The following USP6NL variants were observed in gnomAD, a reference collection of about 807,000 sequenced individuals.
The protein encoded by USP6NL is USP6 N-terminal-like protein.
Under a neutral mutation model 61.9 loss-of-function variants are expected in USP6NL, and 26 were observed. That is an observed-to-expected ratio of 0.42 (90% CI 0.31 to 0.58). The LOEUF (loss-of-function observed/expected upper bound fraction) is 0.58. Ranked by LOEUF, USP6NL falls within the 20% of genes least tolerant of loss-of-function variation. The pLI is 0.16. For missense variants in USP6NL, 1,114 were observed against 1,034.3 expected (o/e 1.08, Z -1.06); for synonymous variants, 432 against 390.1 (o/e 1.11, Z -1.27).
At chr10:11,488,508 A>G (rs764490998) in intron 10 of USP6NL, among the ~76,000 whole-genome samples, 75 of 152,252 alleles carry the variant, frequency 4.9e-4, no homozygotes, top group Non-Finnish European at 9.0e-4. Context: ...AAAACCAAAA[A>G]ATCAGCAGGT....
intron 3 of USP6NL, among the ~76,000 whole-genome samples, chr10:11,526,128 TAAC>T (rs1161567326): frequency 6.6e-6 from 1 of 152,194 alleles, no homozygotes; most frequent in Admixed American, 6.5e-5. Context: ...TTTTCATGGG[TAAC>T]TCGTCATTGA....
chr10:11,607,165 G>A (rs5026825), intron 1 of USP6NL, among the ~76,000 whole-genome samples: 17,225 of 152,052 alleles, frequency 0.11, 1,289 homozygotes, highest in East Asian at 0.16. Flanking sequence ...GGGCACCAGG[G>A]AAATACACAA....
rs1426334347 is a variant in USP6NL at position 11,461,987 on chromosome 10, T to C, written c.*454A>G. ...AAGTAGTTTTTTAAAAAACGTTTCTTTAGCTCTGTGTTCAAATGTGGATGA... is the reference window on the plus strand; with the variant it reads ...AAGTAGTTTTTTAAAAAACGTTTCTCTAGCTCTGTGTTCAAATGTGGATGA... On this transcript the variant is annotated 3_prime_UTR_variant, in exon 15 of 15. Transcript: ENST00000609104. The C allele has an allele frequency of 1.3e-5, 2 of 154,456 alleles. No homozygotes were observed. The highest frequency in any genetic ancestry group is 4.8e-5 in the African/African-American group (2 of 41,498). The allele number at this position is 154,456 out of a possible 1,614,324, so 9.6% of individuals were successfully genotyped here. A position where few individuals can be genotyped will look rare whatever the true frequency, so the allele number is the denominator to read the frequency against.
In USP6NL at chr10:11,525,950, C is replaced by G. The variant is rs1189994104; in HGVS notation, c.73-482G>C. ...CTATGCCAGCCTGAAACTACTCTTG[C>G]CAAAGTCAAAAATGACCTTCCAGCA... On this transcript the variant is annotated intron_variant, in intron 3 of 14. Transcript: ENST00000609104. This position sits in a 1 kb window ranked among gnomAD's most constrained non-coding sequence, Gnocchi z 5.0. Among the ~76,000 whole-genome samples the G allele has an allele frequency of 6.6e-6, 1 of 152,188 alleles. No homozygotes were observed. Among genetic ancestry groups the G allele is most frequent in the Non-Finnish European group, 1.5e-5 (1 of 68,028 alleles).
chr10:11,543,052 T>G (rs1308794651), intron 2 of USP6NL, among the ~76,000 whole-genome samples: 1 of 152,140 alleles, frequency 6.6e-6, no homozygotes, highest in African/African-American at 2.4e-5. Flanking sequence ...AGTAAAAATT[T>G]AATTAATATT....
chr10:11,509,653 CT>C lies in USP6NL; in HGVS notation c.217del (p.Arg73GlufsTer6). 1 of 1,566,878 alleles carries C rather than the reference CT, an allele frequency of 6.4e-7. No homozygotes were observed. The highest frequency in any genetic ancestry group is 8.7e-7 in the Non-Finnish European group (1 of 1,154,456). ...CAGCATTTTCAGCCATTTGGTAGTTCTTTCAATTTCCAGGTGCTTTTGCTAA... is the reference window on the plus strand; with the variant it reads ...CAGCATTTTCAGCCATTTGGTAGTTCTTCAATTTCCAGGTGCTTTTGCTAA... ...VERQKHLEIERTTKWLKMLKG... is the reference protein window; with the variant it reads ...VERQKHLEIEXTTKWLKMLKG... On this transcript the variant is annotated frameshift_variant, in exon 6 of 15. Transcript: ENST00000609104. LOFTEE classifies it high-confidence loss of function.
intron 7 of USP6NL, among the ~76,000 whole-genome samples, chr10:11,500,496 A>G (rs370989714): frequency 6.6e-6 from 1 of 152,194 alleles, no homozygotes; most frequent in Non-Finnish European, 1.5e-5. Context: ...TAGAAAATTT[A>G]GGTTCAGAAA....
At chr10:11,568,547 T>C (rs1396878865) in intron 2 of USP6NL, among the ~76,000 whole-genome samples, 1 of 152,198 alleles carries the variant, frequency 6.6e-6, no homozygotes, top group Non-Finnish European at 1.5e-5. Context: ...GTAACAGTGT[T>C]TTAGTTTTAT....
Position 11,574,450 on chromosome 10 carries a change from T to C in USP6NL, c.4+23181A>G, listed in dbSNP as rs1837470996. Among the ~76,000 whole-genome samples the C allele has an allele frequency of 6.6e-6, 1 of 152,230 alleles. No individual in the cohort carries two copies. The highest frequency in any genetic ancestry group is 2.1e-4 in the South Asian group (1 of 4,830). On this transcript the variant is annotated intron_variant, in intron 2 of 14. Transcript: ENST00000609104. This position sits in a 1 kb window ranked among gnomAD's most constrained non-coding sequence, Gnocchi z 4.3. ...ATAATTTCAAAACAAGTATAACCAC[T>C]GCTCCTTCCATATGATGTTTAACAG...
Position 11,462,242 on chromosome 10 carries a change from G to A in USP6NL, c.*199C>T, listed in dbSNP as rs942725389. On this transcript the variant is annotated 3_prime_UTR_variant, in exon 15 of 15. Transcript: ENST00000609104. Reference sequence around the variant, plus strand: ...TTCCGGGTTAAATTCTAACAGGTCAGTGATGATGCAATTGAAACGCTCATC... The same window carrying A: ...TTCCGGGTTAAATTCTAACAGGTCAATGATGATGCAATTGAAACGCTCATC... The A allele has an allele frequency of 3.2e-6, 2 of 633,588 alleles. No homozygotes were observed. The highest frequency in any genetic ancestry group is 5.7e-5 in the East Asian group (2 of 35,388). The allele number at this position is 633,588 out of a possible 1,614,324, so 39.2% of individuals were successfully genotyped here. A position where few individuals can be genotyped will look rare whatever the true frequency, so the allele number is the denominator to read the frequency against.
At chr10:11,580,739 G>T (rs1469424778) in intron 2 of USP6NL, among the ~76,000 whole-genome samples, 1 of 152,134 alleles carries the variant, frequency 6.6e-6, no homozygotes, top group Admixed American at 6.5e-5. Flanking sequence ...CACCATTCTA[G>T]AAGAATGACA....
intron 2 of USP6NL, among the ~76,000 whole-genome samples, chr10:11,579,966 G>T (rs527266022): frequency 2.0e-5 from 3 of 148,350 alleles, no homozygotes; most frequent in African/African-American, 4.9e-5. Context: ...AGAGTGGCGG[G>T]GGGGGGGCAG....
chr10:11,597,835 C>G lies in USP6NL; in HGVS notation c.-83-118G>C. ...TATTCTACTATTTCCAAAAAGAACT[C>G]TTGTGATCACCTATTAAATATAAAA... On this transcript the variant is annotated intron_variant, in intron 1 of 14. Coordinates refer to ENST00000609104, the MANE Select transcript of USP6NL (RefSeq NM_014688.5). The surrounding 1 kb of genome is among the most constrained non-coding windows in gnomAD (Gnocchi z 4.6). 1.8e-6 allele frequency: 1 copy of G among 550,658 alleles called. No individual in the cohort carries two copies. Among genetic ancestry groups the G allele is most frequent in the Non-Finnish European group, 3.3e-6 (1 of 306,358 alleles). The allele number at this position is 550,658 out of a possible 1,614,324, so 34.1% of individuals were successfully genotyped here. A position where few individuals can be genotyped will look rare whatever the true frequency, so the allele number is the denominator to read the frequency against.
chr10:11,551,935 G>A (rs1203780270), intron 2 of USP6NL, among the ~76,000 whole-genome samples: 1 of 152,218 alleles, frequency 6.6e-6, no homozygotes. Flanking sequence ...ATGGGCTTTA[G>A]TTGGTTAGGT....
At chr10:11,605,788 TC>T (rs760880310) in intron 1 of USP6NL, among the ~76,000 whole-genome samples, 5 of 152,238 alleles carry the variant, frequency 3.3e-5, no homozygotes, top group Non-Finnish European at 7.4e-5. Flanking sequence ...ACTAACTTAG[TC>T]CTGGAAGGTA....
chr10:11,574,832 G>C lies in USP6NL; in HGVS notation c.4+22799C>G, dbSNP rs1215968062. On this transcript the variant is annotated intron_variant, in intron 2 of 14. Coordinates refer to ENST00000609104, the MANE Select transcript of USP6NL (RefSeq NM_014688.5). This position sits in a 1 kb window ranked among gnomAD's most constrained non-coding sequence, Gnocchi z 4.3. ...TTTCAGCTGGACAACTGAGCACAGT[G>C]AATCAACCAAGGTTACAAGTAAACC... is the stretch of plus-strand genomic sequence containing the variant. Among the ~76,000 whole-genome samples the C allele has an allele frequency of 1.3e-5, 2 of 152,198 alleles. No individual in the cohort carries two copies. Among genetic ancestry groups the C allele is most frequent in the African/African-American group, 4.8e-5 (2 of 41,444 alleles).
chr10:11,522,478 G>A (rs1835251042), intron 4 of USP6NL, among the ~76,000 whole-genome samples: 1 of 152,156 alleles, frequency 6.6e-6, no homozygotes, highest in Non-Finnish European at 1.5e-5. Flanking sequence ...AACAATGTCT[G>A]GAGAAAATGT....
intron 1 of USP6NL, among the ~76,000 whole-genome samples, chr10:11,601,173 T>C (rs1221290378): frequency 1.3e-5 from 2 of 152,118 alleles, no homozygotes; most frequent in African/African-American, 2.4e-5. Context: ...AGCAGTGAAA[T>C]GAATGAACTA....
At chr10:11,523,012 C>A (rs928085883) in intron 4 of USP6NL, among the ~76,000 whole-genome samples, 5 of 152,210 alleles carry the variant, frequency 3.3e-5, no homozygotes, top group African/African-American at 1.2e-4. Flanking sequence ...GTACCTACCC[C>A]AAAGAGCTTT....
Sources: allele counts gnomAD v4.1 joint callset (sites outside exome capture counted in the v4.1 genomes callset), GRCh38; gene constraint gnomAD v4.1.1; non-coding constraint Gnocchi (gnomAD v3.1); transcripts MANE v1.5; gene names NCBI Gene and HGNC (gene_info 2026-07-23, HGNC 2026-07-21).